Variants in ZMIZ1 observed in about 807,000 individuals in gnomAD.
ZMIZ1 encodes the protein zinc finger MIZ domain-containing protein 1.
A neutral mutation model predicts 113.9 loss-of-function variants in ZMIZ1; 17 were observed. That is an observed-to-expected ratio of 0.15 (90% CI 0.10 to 0.22). The LOEUF (loss-of-function observed/expected upper bound fraction) is 0.22, where lower values mean the gene tolerates loss of function less well. Among genes scored for constraint, ZMIZ1 ranks in the 10% least tolerant of loss-of-function variants. The pLI is 1.00. For missense variants in ZMIZ1, 1,059 were observed against 1,477.8 expected, an observed-to-expected ratio of 0.72 and a Z score of 4.65; for synonymous variants, 607 against 603.1, an observed-to-expected ratio of 1.01 and a Z score of -0.09.
intron 1 of ZMIZ1, among the ~76,000 whole-genome samples, chr10:79,088,348 A>G (rs1224574944): frequency 6.6e-6 from 1 of 152,226 alleles, no homozygotes; most frequent in African/African-American, 2.4e-5. Context: ...GGGCAGGGCC[A>G]GGGGCTGGGG....
chr10:79,250,519 G>A (rs546237888), intron 7 of ZMIZ1, among the ~76,000 whole-genome samples: 2 of 152,252 alleles, frequency 1.3e-5, no homozygotes, highest in East Asian at 1.9e-4. Flanking sequence ...GGAAGTAAGC[G>A]TGGCCGGCAC....
At chr10:79,187,032 G>A (rs1236844755) in intron 4 of ZMIZ1, among the ~76,000 whole-genome samples, 1 of 152,178 alleles carries the variant, frequency 6.6e-6, no homozygotes, top group Non-Finnish European at 1.5e-5. Flanking sequence ...TAGCCCTCTG[G>A]TAGGCACTCC....
intron 4 of ZMIZ1, among the ~76,000 whole-genome samples, chr10:79,184,104 C>T (rs1268472837): frequency 1.3e-5 from 2 of 152,182 alleles, no homozygotes; most frequent in African/African-American, 4.8e-5. Flanking sequence ...TCAGAGCCTC[C>T]AGGTGGCTCT....
intron 8 of ZMIZ1, among the ~76,000 whole-genome samples, chr10:79,283,208 G>C (rs1039998814): frequency 2.6e-5 from 4 of 152,258 alleles, no homozygotes; most frequent in Non-Finnish European, 5.9e-5. Flanking sequence ...AACCCCAACA[G>C]AGAGGCTTCT....
At chr10:79,297,525 T>C in intron 13 of ZMIZ1, 88 bp from the exon 14 acceptor site, 1 of 1,144,372 alleles carries the variant, frequency 8.7e-7, no homozygotes, top group Non-Finnish European at 1.3e-6. Flanking sequence ...ATCCCCGTGC[T>C]CCTGGTAGAT....
intron 4 of ZMIZ1, among the ~76,000 whole-genome samples, chr10:79,196,620 G>T (rs1350399519): frequency 6.6e-6 from 1 of 152,208 alleles, no homozygotes; most frequent in Non-Finnish European, 1.5e-5. Flanking sequence ...CTCCCAGTTT[G>T]CTGTTAACTT....
chr10:79,274,391 G>T (rs1441041234), intron 7 of ZMIZ1, among the ~76,000 whole-genome samples: 1 of 152,130 alleles, frequency 6.6e-6, no homozygotes, highest in Non-Finnish European at 1.5e-5. Flanking sequence ...GACTGGCCAG[G>T]CGCACCCAGA....
chr10:79,174,738 C>T (rs1203578654), intron 4 of ZMIZ1, among the ~76,000 whole-genome samples: 1 of 152,154 alleles, frequency 6.6e-6, no homozygotes, highest in African/African-American at 2.4e-5. Context: ...GGGAGGAGTG[C>T]ACAGAAAACA....
At chr10:79,273,855 G>A (rs1240073658) in intron 7 of ZMIZ1, among the ~76,000 whole-genome samples, 8 of 152,286 alleles carry the variant, frequency 5.3e-5, no homozygotes. Flanking sequence ...AGCTGTGCAA[G>A]TGATGTGTAC....
At chr10:79,188,775 G>A (rs1467468712) in intron 4 of ZMIZ1, among the ~76,000 whole-genome samples, 1 of 152,140 alleles carries the variant, frequency 6.6e-6, no homozygotes, top group Non-Finnish European at 1.5e-5. Flanking sequence ...AGTTCTGTGG[G>A]ATTTTAAAAT....
chr10:79,117,046 C>T (rs1844065124), intron 1 of ZMIZ1, among the ~76,000 whole-genome samples: 1 of 152,272 alleles, frequency 6.6e-6, no homozygotes, highest in African/African-American at 2.4e-5. Flanking sequence ...GTCCAGATGG[C>T]CTCAGTCACA....
chr10:79,096,507 G>A (rs1011086457), intron 1 of ZMIZ1, among the ~76,000 whole-genome samples: 34 of 151,922 alleles, frequency 2.2e-4, no homozygotes, highest in South Asian at 8.3e-4. Flanking sequence ...GTGAGACTCC[G>A]TCTCAAAAGA....
chr10:79,286,550 G>C (rs1450593164), intron 8 of ZMIZ1, among the ~76,000 whole-genome samples: 5 of 152,272 alleles, frequency 3.3e-5, no homozygotes, highest in Non-Finnish European at 5.9e-5. Flanking sequence ...TGCACGGGCA[G>C]CATGCCAGCA....
Position 79,304,093 on chromosome 10 carries a change from C to G in ZMIZ1, c.2204C>G (p.Ala735Gly). ...GGGGAGGATGGGGTGGAGCAGACGG[C>G]CATCAAGGTGTCTCTGAAGTGCCCC... Reference protein sequence around the residue: ...LNGEDGVEQTAIKVSLKCPIT... With the variant: ...LNGEDGVEQTGIKVSLKCPIT... The change falls in exon 19 of 25, where the codon GCC becomes GGC. Residue 735 changes from alanine (A) to glycine (G), a missense_variant. Coordinates refer to ENST00000334512, the MANE Select transcript of ZMIZ1 (RefSeq NM_020338.4). 1 of 1,614,216 alleles carries G rather than the reference C, an allele frequency of 6.2e-7. No individual in the cohort carries two copies. Among genetic ancestry groups the G allele is most frequent in the African/African-American group, 1.3e-5 (1 of 75,060 alleles).
chr10:79,298,717 G>C, intron 15 of ZMIZ1, 137 bp downstream of exon 15: 1 of 848,096 alleles, frequency 1.2e-6, no homozygotes, highest in South Asian at 1.8e-5. Flanking sequence ...AGATACCCAG[G>C]GGCACACTCA....
intron 1 of ZMIZ1, among the ~76,000 whole-genome samples, chr10:79,114,268 CAA>C (rs767160453): frequency 9.9e-5 from 15 of 152,192 alleles, no homozygotes; most frequent in Non-Finnish European, 2.1e-4. Context: ...TAATGGCTAT[CAA>C]TAATTTAATA....
chr10:79,155,291 G>A lies in ZMIZ1; in HGVS notation c.-130-6762G>A, dbSNP rs1177793410. Among the ~76,000 whole-genome samples the A allele has an allele frequency of 3.3e-5, 5 of 152,362 alleles. No individual in the cohort carries two copies. In the South Asian group the frequency reaches 1.0e-3, roughly 32 times the overall value. On this transcript the variant is annotated intron_variant, in intron 3 of 24. Coordinates refer to ENST00000334512, the MANE Select transcript of ZMIZ1 (RefSeq NM_020338.4). ...AAGGCCTCTTTGATTGCTTGGAGGT[G>A]TTGGCTGGGGCAGTCGGGACAGCTT... is the stretch of plus-strand genomic sequence containing the variant.
At chr10:79,255,663 G>A (rs1850843198) in intron 7 of ZMIZ1, among the ~76,000 whole-genome samples, 2 of 151,972 alleles carry the variant, frequency 1.3e-5, no homozygotes, top group Non-Finnish European at 2.9e-5. Flanking sequence ...AGCTCATGAG[G>A]GTGCCTTTGC....
chr10:79,176,104 G>GA (rs2132550002), intron 4 of ZMIZ1, among the ~76,000 whole-genome samples: 1 of 152,090 alleles, frequency 6.6e-6, no homozygotes, highest in African/African-American at 2.4e-5. Flanking sequence ...ACAATGGAGG[G>GA]AGGGGATGGG....
Sources: gnomAD v4.1 joint callset for allele counts (sites outside exome capture counted in the v4.1 genomes callset) on GRCh38, gnomAD v4.1.1 for gene constraint, MANE v1.5 for transcripts, NCBI Gene and HGNC (gene_info 2026-07-23, HGNC 2026-07-21) for gene names.